DNTTIP1: variants seen among roughly 807,000 people sequenced by gnomAD.
The protein encoded by DNTTIP1 is deoxynucleotidyltransferase terminal-interacting protein 1.
Under a neutral mutation model 52.9 loss-of-function variants are expected in DNTTIP1, and 22 were observed. That is an observed-to-expected ratio of 0.42 (90% confidence interval 0.30 to 0.59). The LOEUF (loss-of-function observed/expected upper bound fraction) is 0.59. DNTTIP1 is among the 20% of genes least tolerant of loss of function. The pLI is 0.22. For missense variants in DNTTIP1, 286 were observed against 435.5 expected, an observed-to-expected ratio of 0.66 and a Z score of 3.06; for synonymous variants, 136 against 155.1, an observed-to-expected ratio of 0.88 and a Z score of 0.92.
At chr20:45,803,275 G>T in intron 7 of DNTTIP1, 58 bp from the exon 8 acceptor site, 1 of 1,563,186 alleles carries the variant, frequency 6.4e-7, no homozygotes, top group Non-Finnish European at 8.8e-7. Context: ...CAGCAAGCTG[G>T]CATTTAGTCC....
intron 4 of DNTTIP1, among the ~76,000 whole-genome samples, chr20:45,800,691 AAAAATATATATAT>A (rs1981412724): frequency 8.8e-5 from 5 of 57,102 alleles, no homozygotes; most frequent in South Asian, 6.1e-4. Context: ...AAAAAAAAAA[AAAAATATATATAT>A]ATATATATAT....
At chr20:45,806,226 C>T (rs1981639856) in intron 10 of DNTTIP1, among the ~76,000 whole-genome samples, 2 of 151,938 alleles carry the variant, frequency 1.3e-5, no homozygotes, top group African/African-American at 2.4e-5. Context: ...CATGATGGCG[C>T]ATGCCTGTTA....
chr20:45,801,922 A>C lies in DNTTIP1; in HGVS notation c.499-77A>C, dbSNP rs750255975. 3.6e-6 allele frequency: 5 copies of C among 1,395,078 alleles called. No individual in the cohort carries two copies. In the African/African-American group the frequency reaches 4.3e-5, roughly 12 times the overall value. 86.4% of individuals were successfully genotyped at this position (1,395,078 alleles called of 1,614,324 possible). The stretch of plus-strand genomic sequence containing the variant: ...ATCTCTTTGGAAAACCATCTCTGCC[A>C]AGTGACCCTGGACCTGCCAATGGGG... On this transcript the variant is annotated intron_variant, in intron 6 of 12. Coordinates refer to ENST00000372622, the MANE Select transcript of DNTTIP1 (RefSeq NM_052951.3).
At chr20:45,802,151 A>G in intron 7 of DNTTIP1, 94 bp downstream of exon 7, 2 of 1,359,930 alleles carry the variant, frequency 1.5e-6, no homozygotes, top group Non-Finnish European at 2.1e-6. Flanking sequence ...TGCCTGTCAA[A>G]ATCAGATCCA....
intron 4 of DNTTIP1, among the ~76,000 whole-genome samples, chr20:45,797,596 A>G (rs1031450052): frequency 1.3e-5 from 2 of 152,368 alleles, no homozygotes; most frequent in Admixed American, 1.3e-4. Context: ...ACAAAGGGCT[A>G]ATACCCAGAA....
intron 2 of DNTTIP1, 76 bp from the exon 3 acceptor site, chr20:45,793,845 C>A (rs1981135409): frequency 3.5e-6 from 3 of 865,576 alleles, no homozygotes; most frequent in Non-Finnish European, 5.3e-6. Flanking sequence ...AATTCTATGT[C>A]CATAATTAAC....
Position 45,795,329 on chromosome 20 carries a change from T to C in DNTTIP1, c.274-16T>C, listed in dbSNP as rs766162905. ...TTAACAGGACTCTGACCTTGTCCTC[T>C]GTTGTGCTCCCCTAGTTCTTCCAGA... On this transcript the variant is annotated splice_polypyrimidine_tract_variant and intron_variant, in intron 3 of 12. Transcript: ENST00000372622. 3.0e-5 allele frequency: 47 copies of C among 1,559,774 alleles called. No homozygotes were observed. The highest frequency in any genetic ancestry group is 4.0e-5 in the Non-Finnish European group (46 of 1,138,494).
intron 4 of DNTTIP1, chr20:45,796,460 G>A: frequency 2.1e-6 from 1 of 470,760 alleles, no homozygotes; most frequent in Non-Finnish European, 4.4e-6. Flanking sequence ...CCCTGCAGGT[G>A]CGTGGTGGAT....
chr20:45,800,338 GT>G (rs1231958536), intron 4 of DNTTIP1, among the ~76,000 whole-genome samples: 2 of 151,768 alleles, frequency 1.3e-5, no homozygotes, highest in Non-Finnish European at 2.9e-5. Flanking sequence ...ATTAATTCAA[GT>G]TTTTTTAAAA....
At chr20:45,803,690 C>A (rs1168449106) in intron 8 of DNTTIP1, among the ~76,000 whole-genome samples, 2 of 152,190 alleles carry the variant, frequency 1.3e-5, no homozygotes, top group Admixed American at 1.3e-4. Context: ...TGTAGACCAT[C>A]TCATTTAATC....
intron 8 of DNTTIP1, among the ~76,000 whole-genome samples, chr20:45,804,549 A>G (rs961438998): frequency 1.3e-5 from 2 of 152,130 alleles, no homozygotes; most frequent in African/African-American, 2.4e-5. Flanking sequence ...CCCATTGCCT[A>G]CAGAAGAAAT....
At chr20:45,792,503 C>A in intron 1 of DNTTIP1, 174 bp from the exon 2 acceptor site, 1 of 514,706 alleles carries the variant, frequency 1.9e-6, no homozygotes, top group East Asian at 3.4e-5. Context: ...GAAACTTCCT[C>A]AGTTCCTCTT....
chr20:45,794,162 T>A, intron 3 of DNTTIP1, 145 bp downstream of exon 3: 1 of 498,140 alleles, frequency 2.0e-6, no homozygotes, highest in Non-Finnish European at 3.5e-6. Context: ...TTGTTTTGTG[T>A]TTTTGAGACA....
intron 4 of DNTTIP1, among the ~76,000 whole-genome samples, chr20:45,795,671 C>T (rs1312743046): frequency 1.3e-5 from 2 of 152,224 alleles, no homozygotes; most frequent in South Asian, 2.1e-4. Flanking sequence ...TGGTGGTGCA[C>T]GCCTATAATC....
chr20:45,808,705 T>G (rs1981728946), intron 10 of DNTTIP1, among the ~76,000 whole-genome samples: 1 of 152,166 alleles, frequency 6.6e-6, no homozygotes, highest in Non-Finnish European at 1.5e-5. Flanking sequence ...AAAACCGAAT[T>G]CTTAACCATG....
At chr20:45,798,425 A>G (rs1339581182) in intron 4 of DNTTIP1, among the ~76,000 whole-genome samples, 1 of 152,080 alleles carries the variant, frequency 6.6e-6, no homozygotes, top group Non-Finnish European at 1.5e-5. Flanking sequence ...AGGCACATGT[A>G]TACATATGTA....
intron 10 of DNTTIP1, among the ~76,000 whole-genome samples, chr20:45,806,679 T>C (rs926815599): frequency 6.6e-6 from 1 of 152,240 alleles, no homozygotes; most frequent in African/African-American, 2.4e-5. Flanking sequence ...TGTGCAAGTT[T>C]TCAAGTTCTT....
chr20:45,802,102 G>A (rs778908757), intron 7 of DNTTIP1, 45 bp downstream of exon 7: 9 of 1,596,366 alleles, frequency 5.6e-6, no homozygotes, highest in Admixed American at 3.3e-5. Context: ...GGGAGCAGAC[G>A]GAGAGAGGGG....
At chr20:45,810,858 G>T in intron 11 of DNTTIP1, 27 bp from the exon 12 acceptor site, 1 of 1,611,120 alleles carries the variant, frequency 6.2e-7, no homozygotes, top group South Asian at 1.1e-5. Flanking sequence ...ATCAGGCAAT[G>T]ACCACTCTCC....
Sources: gnomAD v4.1 joint callset for allele counts (sites outside exome capture counted in the v4.1 genomes callset) on GRCh38, gnomAD v4.1.1 for gene constraint, MANE v1.5 for transcripts, NCBI Gene and HGNC (gene_info 2026-07-23, HGNC 2026-07-21) for gene names.